The following VWF variants were observed in gnomAD, a reference collection of about 807,000 sequenced individuals.
The protein encoded by VWF is von Willebrand factor, also known as Factor VIII related antigen.
A neutral mutation model predicts 308.6 loss-of-function variants in VWF; 176 were observed. That is an observed-to-expected ratio of 0.57 (90% CI 0.50 to 0.65). The LOEUF is 0.65. Ranked by LOEUF, VWF falls within the 30% of genes least tolerant of loss-of-function variation. The pLI, the probability that VWF is intolerant of heterozygous loss-of-function variation, is 0.00. For missense variants in VWF, 3,146 were observed against 3,648.2 expected, an observed-to-expected ratio of 0.86 and a Z score of 3.55; for synonymous variants, 1,385 against 1,443.4, an observed-to-expected ratio of 0.96 and a Z score of 0.92.
In VWF at chr12:6,017,740, A is replaced by G. The variant is rs138219581; in HGVS notation, c.5053+625T>C. On this transcript the variant is annotated intron_variant, in intron 28 of 51. Coordinates refer to ENST00000261405, the MANE Select transcript of VWF (RefSeq NM_000552.5). Reference sequence around the variant, plus strand: ...TGTATCCTTTGTATAGATGATATACAAAGAGGTTAAGTATTTGCCTCATCC... The same window carrying G: ...TGTATCCTTTGTATAGATGATATACGAAGAGGTTAAGTATTTGCCTCATCC... Among the ~76,000 whole-genome samples, 794 of 152,356 alleles carry G rather than the reference A, an allele frequency of 5.2e-3. 10 individuals carry two copies. The highest frequency in any genetic ancestry group is 0.018 in the African/African-American group (732 of 41,586).
At chr12:6,035,814 A>G (rs1944330334) in intron 19 of VWF, among the ~76,000 whole-genome samples, 2 of 152,166 alleles carry the variant, frequency 1.3e-5, no homozygotes, top group Admixed American at 6.5e-5. Context: ...CCTAATCCAA[A>G]ACTCTGAAGT....
At chr12:5,949,235 A>G (rs367665552) in intron 51 of VWF, 32 bp from the exon 52 acceptor site, 37 of 1,608,644 alleles carry the variant, frequency 2.3e-5, no homozygotes, top group Non-Finnish European at 3.1e-5. Flanking sequence ...TGGGAGCTTC[A>G]CAATGGTGGG....
chr12:6,056,670 A>G (rs1591889068), intron 15 of VWF, among the ~76,000 whole-genome samples, 187 bp downstream of exon 15: 1 of 152,266 alleles, frequency 6.6e-6, no homozygotes, highest in South Asian at 2.1e-4. Flanking sequence ...GCCGGTCCCC[A>G]CCGCCTGTCC....
chr12:6,099,839 C>T (rs530422966), intron 5 of VWF, among the ~76,000 whole-genome samples: 2,041 of 152,264 alleles, frequency 0.013, 57 homozygotes, highest in African/African-American at 0.047. Context: ...TGGGCAAGAA[C>T]TTCATGTCTA....
At chr12:6,071,915 G>T (rs997842968) in intron 9 of VWF, among the ~76,000 whole-genome samples, 1 of 152,170 alleles carries the variant, frequency 6.6e-6, no homozygotes, top group African/African-American at 2.4e-5. Flanking sequence ...ACCAAGGGAG[G>T]GCAGACTGGT....
Position 6,036,419 on chromosome 12 carries a change from C to T in VWF, c.2515G>A (p.Gly839Arg), listed in dbSNP as rs1373658393. 5 of 1,614,110 alleles carry T rather than the reference C, an allele frequency of 3.1e-6. No homozygotes were observed. The African/African-American group carries it at 6.7e-5, about 22-fold the overall frequency. ...TTGCAGCCAATCTTCACTGTTTCTC[C>T]AGGGGCATACTCCTTGCCCTGATGG... is the stretch of plus-strand genomic sequence containing the variant. ...CFHQGKEYAP[G>R]ETVKIGCNTC... Residue 839 changes from glycine to arginine, a missense_variant, in exon 19 of 52, where the codon GGA becomes AGA. Gly to Arg is a moderately radical substitution (Grantham distance 125). This residue lies in a region of VWF where 1,304 missense variants were observed against 1,353.0 expected (regional missense o/e 0.96). Coordinates refer to ENST00000261405, the MANE Select transcript of VWF (RefSeq NM_000552.5).
In VWF at chr12:6,034,787, C is replaced by T. The variant is rs34510401; in HGVS notation, c.2586G>A (p.Val862=). 16 of 1,614,248 alleles carry T rather than the reference C, an allele frequency of 9.9e-6. No individual in the cohort carries two copies. In the South Asian group the frequency reaches 1.8e-4, roughly 18 times the overall value. Reference sequence around the variant, plus strand: ...CGATCGTGGAGCACGTGGCATCACACACATGGTCTGTGCAGTTCCACTTCC... The same window carrying T: ...CGATCGTGGAGCACGTGGCATCACATACATGGTCTGTGCAGTTCCACTTCC... ...QDRKWNCTDH[V]CDATCSTIGM... The change falls in exon 20 of 52, where the codon GTG becomes GTA. Residue 862 remains valine (V), a synonymous_variant. Transcript: ENST00000261405.
At position 6,052,587 on chromosome 12, in the gene VWF, C is replaced by T. The variant is rs1565844795; in HGVS notation, c.2142G>A (p.Glu714=). The T allele has an allele frequency of 1.9e-6, 3 of 1,614,262 alleles. No homozygotes were observed. The highest frequency in any genetic ancestry group is 2.5e-6 in the Non-Finnish European group (3 of 1,180,050). Residue 714 remains glutamate, a synonymous_variant, in exon 16 of 52, where the codon GAG becomes GAA. Coordinates refer to ENST00000261405, the MANE Select transcript of VWF (RefSeq NM_000552.5). ...KAQCPCYYDG[E]IFQPEDIFSD... ...AGAAGATGTCTTCTGGCTGGAAGATCTCACCGTCATAGTAACAGGGGCACT... is the reference window on the plus strand; with the variant it reads ...AGAAGATGTCTTCTGGCTGGAAGATTTCACCGTCATAGTAACAGGGGCACT...
intron 34 of VWF, among the ~76,000 whole-genome samples, chr12:6,007,742 A>C (rs1174684403): frequency 6.6e-6 from 1 of 152,166 alleles, no homozygotes; most frequent in African/African-American, 2.4e-5. Context: ...TAGAATACAA[A>C]ATATCAATAA....
intron 38 of VWF, among the ~76,000 whole-genome samples, chr12:5,989,770 T>C (rs939401611): frequency 2.6e-5 from 4 of 152,100 alleles, no homozygotes; most frequent in African/African-American, 9.7e-5. Flanking sequence ...TTGCAGACAT[T>C]TGACACTCAT....
intron 42 of VWF, among the ~76,000 whole-genome samples, chr12:5,979,669 G>A (rs1480954201): frequency 1.3e-5 from 2 of 151,722 alleles, no homozygotes; most frequent in Non-Finnish European, 2.9e-5. Context: ...AGAATCGCTT[G>A]AACCAGGGAG....
At chr12:6,051,290 T>C (rs78028109) in intron 16 of VWF, among the ~76,000 whole-genome samples, 35 of 28,352 alleles carry the variant, frequency 1.2e-3, no homozygotes, top group Admixed American at 2.4e-3. Context: ...TTTTTTCTTT[T>C]TTTTTTTTTT....
In VWF at chr12:5,969,212, A is replaced by G. The variant is rs369734683; in HGVS notation, c.7728T>C (p.Cys2576=). 2.5e-6 allele frequency: 4 copies of G among 1,612,262 alleles called. No homozygotes were observed. The highest frequency in any genetic ancestry group is 1.3e-5 in the African/African-American group (1 of 74,914). Residue 2576 remains cysteine, a splice_region_variant and synonymous_variant, in exon 45 of 52, where the codon TGT becomes TGC. Transcript: ENST00000261405. ...CCAGCCCCAGCCTGCATGCCTTACC[A>G]CAGCGACAGCTTGGGCAGCACGCTG... is the stretch of plus-strand genomic sequence containing the variant. ...KTSACCPSCR[C]ERMEACMLNG... is the part of the protein sequence containing the mutation.
intron 32 of VWF, 39 bp downstream of exon 32, chr12:6,013,442 T>A (rs1301896201): frequency 6.3e-7 from 1 of 1,598,008 alleles, no homozygotes; most frequent in Non-Finnish European, 8.5e-7. Context: ...TTTTGGAACT[T>A]TTTTTTGAGG....
At chr12:5,985,142 A>T in intron 39 of VWF, 23 bp from the exon 40 acceptor site, 1 of 1,611,878 alleles carries the variant, frequency 6.2e-7, no homozygotes, top group Non-Finnish European at 8.5e-7. Flanking sequence ...AACGGCCACA[A>T]AAGTCAGAGA....
chr12:6,105,403 A>G (rs1390046198), intron 5 of VWF, among the ~76,000 whole-genome samples: 1 of 151,936 alleles, frequency 6.6e-6, no homozygotes, highest in East Asian at 1.9e-4. Context: ...TAATTTTTAT[A>G]TTTTTAGTAG....
chr12:6,065,338 G>A, intron 10 of VWF, 65 bp from the exon 11 acceptor site: 3 of 1,602,976 alleles, frequency 1.9e-6, no homozygotes, highest in Non-Finnish European at 2.6e-6. Context: ...GGTGGCCAAG[G>A]TGGAATGCAT....
At chr12:6,064,535 G>A (rs1591895513) in intron 11 of VWF, 151 bp from the exon 12 acceptor site, 7 of 1,285,192 alleles carry the variant, frequency 5.4e-6, no homozygotes, top group African/African-American at 1.5e-5. Flanking sequence ...TACTCCATGT[G>A]AATGGGGCCC....
In VWF at chr12:5,966,141, C is replaced by T. The variant is rs547433171; in HGVS notation, c.7887+1345G>A. 3.8e-4 allele frequency among the ~76,000 whole-genome samples: 58 copies of T among 152,086 alleles called. 1 individual carries two copies. Among genetic ancestry groups the T allele is most frequent in the Non-Finnish European group, 1.5e-4 (10 of 68,012 alleles). ...CTCCACAGGCTGGCATTGAGGTGGG[C>T]GGCCTGCTGTCTCCTGACTGCCCTG... On this transcript the variant is annotated intron_variant, in intron 47 of 51. Transcript: ENST00000261405.
Sources: allele counts gnomAD v4.1 joint callset (sites outside exome capture counted in the v4.1 genomes callset), GRCh38; gene constraint gnomAD v4.1.1; regional missense constraint gnomAD v4.1.1; transcripts MANE v1.5; gene names NCBI Gene and HGNC (gene_info 2026-07-23, HGNC 2026-07-21).